HCN1: variants seen among roughly 807,000 people sequenced by gnomAD.
The protein encoded by HCN1 is hyperpolarization activated cyclic nucleotide gated potassium channel 1, also known as potassium/sodium hyperpolarization-activated cyclic nucleotide-gated channel 1.
A neutral mutation model predicts 78.9 loss-of-function variants in HCN1; 13 were observed. That is an observed-to-expected ratio of 0.16 (90% CI 0.11 to 0.26). The LOEUF (loss-of-function observed/expected upper bound fraction) is 0.26, where lower values mean the gene tolerates loss of function less well. Ranked by LOEUF, HCN1 falls within the 10% of genes least tolerant of loss-of-function variation. The pLI, the probability that HCN1 is intolerant of heterozygous loss-of-function variation, is 1.00. For missense variants in HCN1, 810 were observed against 1,154.3 expected (o/e 0.70, Z 4.32); for synonymous variants, 552 against 455.5 (o/e 1.21, Z -2.70).
intron 2 of HCN1, among the ~76,000 whole-genome samples, chr5:45,539,730 T>C (rs914203163): frequency 4.1e-5 from 6 of 148,058 alleles, no homozygotes; most frequent in Non-Finnish European, 7.4e-5. Context: ...AAATATTTAA[T>C]ATTATTATTT....
Position 45,363,849 on chromosome 5 carries a change from T to C in HCN1, c.1231-10603A>G, listed in dbSNP as rs575677952. ...CATGATTCTGAAGCCTTCTCAGCCATGTGGAACTGTAAGTCCAATTAAATC... is the reference window on the plus strand; with the variant it reads ...CATGATTCTGAAGCCTTCTCAGCCACGTGGAACTGTAAGTCCAATTAAATC... On this transcript the variant is annotated intron_variant, in intron 4 of 7. Coordinates refer to ENST00000303230, the MANE Select transcript of HCN1 (RefSeq NM_021072.4). Among the ~76,000 whole-genome samples the C allele has an allele frequency of 3.3e-5, 5 of 152,200 alleles. 1 individual carries two copies. In the South Asian group the frequency reaches 8.3e-4, roughly 25 times the overall value.
intron 1 of HCN1, among the ~76,000 whole-genome samples, chr5:45,661,353 G>C (rs1352095487): frequency 6.7e-6 from 1 of 149,754 alleles, no homozygotes; most frequent in Non-Finnish European, 1.5e-5. Context: ...GAGAAAGCAG[G>C]AAAGATCCAA....
chr5:45,400,480 C>T (rs944981440), intron 3 of HCN1, among the ~76,000 whole-genome samples: 1 of 146,544 alleles, frequency 6.8e-6, no homozygotes, highest in Non-Finnish European at 1.5e-5. Context: ...CTCACTGCAA[C>T]CTCTGCCTCC....
At chr5:45,658,268 C>T (rs1291899512) in intron 1 of HCN1, among the ~76,000 whole-genome samples, 3 of 152,064 alleles carry the variant, frequency 2.0e-5, no homozygotes, top group Non-Finnish European at 4.4e-5. Flanking sequence ...AATGTTAGAC[C>T]TAAAACCATA....
At chr5:45,429,330 C>T (rs1740416024) in intron 3 of HCN1, among the ~76,000 whole-genome samples, 1 of 152,146 alleles carries the variant, frequency 6.6e-6, no homozygotes, top group African/African-American at 2.4e-5. Context: ...AATGGCTCTT[C>T]TCTGATCTGT....
chr5:45,281,021 A>C (rs987506973), intron 6 of HCN1, among the ~76,000 whole-genome samples: 1 of 152,076 alleles, frequency 6.6e-6, no homozygotes, highest in Admixed American at 6.6e-5. Flanking sequence ...AGAGGCAAAA[A>C]AAAAAAATAC....
At chr5:45,349,181 C>A (rs1308011919) in intron 5 of HCN1, among the ~76,000 whole-genome samples, 1 of 152,176 alleles carries the variant, frequency 6.6e-6, no homozygotes, top group East Asian at 1.9e-4. Context: ...GTCTCTCAGA[C>A]CACAGTGCAA....
At chr5:45,339,526 C>T (rs1746531829) in intron 5 of HCN1, among the ~76,000 whole-genome samples, 1 of 152,070 alleles carries the variant, frequency 6.6e-6, no homozygotes, top group Non-Finnish European at 1.5e-5. Context: ...CCATGAAGAG[C>T]CTCTGTGTCA....
At chr5:45,460,562 G>T (rs2111623267) in intron 3 of HCN1, among the ~76,000 whole-genome samples, 1 of 152,048 alleles carries the variant, frequency 6.6e-6, no homozygotes, top group African/African-American at 2.4e-5. Flanking sequence ...ACAAATAAAA[G>T]TGTATATACA....
chr5:45,276,608 C>G (rs1486208118), intron 6 of HCN1, among the ~76,000 whole-genome samples: 1 of 151,994 alleles, frequency 6.6e-6, no homozygotes, highest in Non-Finnish European at 1.5e-5. Flanking sequence ...CAACCTGTAC[C>G]TTAGGCAATT....
intron 2 of HCN1, among the ~76,000 whole-genome samples, chr5:45,622,957 G>A (rs1745098171): frequency 6.6e-6 from 1 of 152,086 alleles, no homozygotes; most frequent in Non-Finnish European, 1.5e-5. Context: ...TCCTGCAGCA[G>A]GAACTAGTGT....
At chr5:45,419,866 A>T (rs1005179857) in intron 3 of HCN1, among the ~76,000 whole-genome samples, 1 of 152,166 alleles carries the variant, frequency 6.6e-6, no homozygotes, top group Non-Finnish European at 1.5e-5. Flanking sequence ...AGTCCCCAAC[A>T]TTCCACCCAC....
chr5:45,572,483 T>G (rs1743856068), intron 2 of HCN1, among the ~76,000 whole-genome samples: 1 of 152,170 alleles, frequency 6.6e-6, no homozygotes, highest in Non-Finnish European at 1.5e-5. Flanking sequence ...ACTTGGAAAA[T>G]ATCTATAAAT....
chr5:45,407,381 A>G (rs1003769924), intron 3 of HCN1, among the ~76,000 whole-genome samples: 11 of 152,184 alleles, frequency 7.2e-5, no homozygotes, highest in African/African-American at 2.7e-4. Context: ...TGAAAATGAT[A>G]ATAAACAACT....
intron 3 of HCN1, among the ~76,000 whole-genome samples, chr5:45,402,804 CTTTCTTTCCTCCT>C (rs1180192791): frequency 7.3e-6 from 1 of 136,904 alleles, no homozygotes; most frequent in Admixed American, 7.4e-5. Context: ...CCTTTCTTTC[CTTTCTTTCCTCCT>C]TCCTTCCTTC....
At chr5:45,628,716 G>A (rs749676275) in intron 2 of HCN1, among the ~76,000 whole-genome samples, 12 of 152,008 alleles carry the variant, frequency 7.9e-5, no homozygotes, top group South Asian at 2.1e-4. Flanking sequence ...TGGCTCACGC[G>A]TGTGATTCTA....
intron 6 of HCN1, among the ~76,000 whole-genome samples, chr5:45,289,695 GA>G (rs1228332312): frequency 6.6e-6 from 1 of 151,990 alleles, no homozygotes; most frequent in Non-Finnish European, 1.5e-5. Context: ...AAAAAGAAAT[GA>G]TGTCAAAGGA....
chr5:45,524,846 T>A (rs1244805800), intron 2 of HCN1, among the ~76,000 whole-genome samples: 1 of 152,200 alleles, frequency 6.6e-6, no homozygotes, highest in Non-Finnish European at 1.5e-5. Flanking sequence ...GAATACCCTT[T>A]ATTTCCTTCT....
chr5:45,274,635 A>G (rs1745019516), intron 6 of HCN1, among the ~76,000 whole-genome samples: 1 of 152,170 alleles, frequency 6.6e-6, no homozygotes, highest in Admixed American at 6.6e-5. Flanking sequence ...ACCTGCTAGA[A>G]GCAAATAAAA....
Sources: allele counts gnomAD v4.1 joint callset (sites outside exome capture counted in the v4.1 genomes callset), GRCh38; gene constraint gnomAD v4.1.1; transcripts MANE v1.5; gene names NCBI Gene and HGNC (gene_info 2026-07-23, HGNC 2026-07-21).